The following ABCC4 variants were observed in gnomAD, a reference collection of about 807,000 sequenced individuals.
ABCC4 encodes ATP-binding cassette sub-family C member 4.
In ABCC4, 102 loss-of-function variants were observed where a neutral mutation model predicts 168.5. The observed-to-expected ratio is 0.61, with a 90% confidence interval of 0.52 to 0.71. The LOEUF (loss-of-function observed/expected upper bound fraction) is 0.71, where lower values mean the gene tolerates loss of function less well. Ranked by LOEUF, ABCC4 falls within the 30% of genes least tolerant of loss-of-function variation. ABCC4 has a pLI of 0.00. For synonymous variants in ABCC4, 617 were observed against 590.7 expected, an observed-to-expected ratio of 1.04 and a Z score of -0.65; for missense variants, 1,402 against 1,605.8, an observed-to-expected ratio of 0.87 and a Z score of 2.17.
At chr13:95,248,551 AAAT>A (rs533991223) in intron 1 of ABCC4, among the ~76,000 whole-genome samples, 2 of 152,004 alleles carry the variant, frequency 1.3e-5, no homozygotes, top group South Asian at 4.1e-4. Flanking sequence ...GGAATCACTT[AAAT>A]GATATTAACA....
chr13:95,135,667 G>A (rs1265374210), intron 19 of ABCC4, among the ~76,000 whole-genome samples: 2 of 152,110 alleles, frequency 1.3e-5, no homozygotes, highest in Non-Finnish European at 2.9e-5. Flanking sequence ...ACCTGTCTCT[G>A]CCTCCAGAAG....
At chr13:95,170,972 A>C (rs879241703) in intron 13 of ABCC4, among the ~76,000 whole-genome samples, 1 of 151,954 alleles carries the variant, frequency 6.6e-6, no homozygotes, top group Non-Finnish European at 1.5e-5. Flanking sequence ...GGGAGAAAGA[A>C]AGATCGAGGT....
chr13:95,211,350 A>G (rs536987464), intron 4 of ABCC4, among the ~76,000 whole-genome samples: 1 of 152,308 alleles, frequency 6.6e-6, no homozygotes, highest in South Asian at 2.1e-4. Context: ...AGGGCTAGGT[A>G]TGTCCAGACA....
intron 16 of ABCC4, 65 bp downstream of exon 16, chr13:95,164,313 T>C: frequency 6.3e-7 from 1 of 1,584,468 alleles, no homozygotes; most frequent in Non-Finnish European, 8.6e-7. Context: ...GATGCAGTCA[T>C]AATAGCATAA....
intron 29 of ABCC4, among the ~76,000 whole-genome samples, chr13:95,036,770 T>C (rs892702079): frequency 1.3e-5 from 2 of 152,104 alleles, no homozygotes; most frequent in African/African-American, 4.8e-5. Flanking sequence ...ACCTCTTTAA[T>C]ATTTTTTTGA....
intron 10 of ABCC4, among the ~76,000 whole-genome samples, 182 bp from the exon 11 acceptor site, chr13:95,187,074 T>C (rs2038089092): frequency 1.3e-5 from 2 of 152,200 alleles, no homozygotes; most frequent in African/African-American, 4.8e-5. Flanking sequence ...TAGTAGTTTA[T>C]AAGGAATATT....
At chr13:95,106,750 G>A (rs112674458) in intron 20 of ABCC4, among the ~76,000 whole-genome samples, 7,423 of 126,470 alleles carry the variant, frequency 0.059, 220 homozygotes, top group Middle Eastern at 0.1. Flanking sequence ...AGTGACACAG[G>A]ATAGTAGGGT....
chr13:95,114,491 G>C lies in ABCC4; in HGVS notation c.2535+1431C>G, dbSNP rs79616253. Among the ~76,000 whole-genome samples the C allele has an allele frequency of 4.0e-4, 61 of 152,182 alleles. No homozygotes were observed. In the East Asian group the frequency reaches 0.011, roughly 27 times the overall value. On this transcript the variant is annotated intron_variant, in intron 20 of 30. Coordinates refer to ENST00000645237, the MANE Select transcript of ABCC4 (RefSeq NM_005845.5). ...CAATAATCTGCATTCTATGTAAACGGGGCAACTGTTTTAGTGATGGCTTCT... is the reference window on the plus strand; with the variant it reads ...CAATAATCTGCATTCTATGTAAACGCGGCAACTGTTTTAGTGATGGCTTCT...
intron 16 of ABCC4, among the ~76,000 whole-genome samples, chr13:95,163,869 A>C (rs980921907): frequency 2.0e-5 from 3 of 151,976 alleles, no homozygotes; most frequent in Non-Finnish European, 4.4e-5. Context: ...CCCTATCTCT[A>C]CTAAAAATAC....
At chr13:95,236,261 C>T (rs1046442347) in intron 3 of ABCC4, among the ~76,000 whole-genome samples, 4 of 152,136 alleles carry the variant, frequency 2.6e-5, no homozygotes, top group Non-Finnish European at 5.9e-5. Flanking sequence ...TGTAGGCCCT[C>T]GACATCATTT....
At chr13:95,034,176 C>T (rs1168764970) in intron 30 of ABCC4, among the ~76,000 whole-genome samples, 1 of 152,230 alleles carries the variant, frequency 6.6e-6, no homozygotes, top group East Asian at 1.9e-4. Context: ...CAATATCCCA[C>T]ACTTTTTGCC....
intron 30 of ABCC4, among the ~76,000 whole-genome samples, chr13:95,033,172 G>A (rs192266072): frequency 2.6e-4 from 40 of 152,086 alleles, no homozygotes; most frequent in Admixed American, 2.2e-3. Context: ...GTTTCACCAT[G>A]TTGGCCCCTA....
chr13:95,114,325 G>A (rs1044673353), intron 20 of ABCC4, among the ~76,000 whole-genome samples: 3 of 152,060 alleles, frequency 2.0e-5, no homozygotes, highest in African/African-American at 4.8e-5. Flanking sequence ...TACTAATTAC[G>A]ACCGCTCACT....
At chr13:95,138,291 A>C (rs564097353) in intron 19 of ABCC4, among the ~76,000 whole-genome samples, 1 of 152,360 alleles carries the variant, frequency 6.6e-6, no homozygotes, top group Admixed American at 6.5e-5. Context: ...AAATGTGTAC[A>C]TGTCCTTATG....
rs1050141753 is a variant in ABCC4 at position 95,106,838 on chromosome 13, C to A, written c.2535+9084G>T. 3.3e-5 allele frequency among the ~76,000 whole-genome samples: 5 copies of A among 152,144 alleles called. No individual in the cohort carries two copies. In the East Asian group the frequency reaches 7.7e-4, roughly 23 times the overall value. ...TTCCCAAGCTTAACTTTCCCTTTGG[C>A]ATAGGGAGTCTGGGACCTGAGATTC... On this transcript the variant is annotated intron_variant, in intron 20 of 30. Transcript: ENST00000645237.
At chr13:95,136,763 G>T (rs1204222033) in intron 19 of ABCC4, among the ~76,000 whole-genome samples, 1 of 152,242 alleles carries the variant, frequency 6.6e-6, no homozygotes, top group Non-Finnish European at 1.5e-5. Context: ...GAAGGACGGG[G>T]TGGAGAATCA....
chr13:95,264,970 G>T (rs2040630925), intron 1 of ABCC4, among the ~76,000 whole-genome samples: 1 of 150,652 alleles, frequency 6.6e-6, no homozygotes, highest in African/African-American at 2.4e-5. Context: ...CTGGGTTCAA[G>T]CGATTCTCCT....
At chr13:95,156,219 AC>A (rs2036848477) in intron 19 of ABCC4, among the ~76,000 whole-genome samples, 1 of 152,234 alleles carries the variant, frequency 6.6e-6, no homozygotes, top group African/African-American at 2.4e-5. Flanking sequence ...TTCCACAAAG[AC>A]TTTCATGTTT....
intron 20 of ABCC4, among the ~76,000 whole-genome samples, chr13:95,109,360 G>T (rs1348377411): frequency 6.7e-6 from 1 of 149,804 alleles, no homozygotes; most frequent in Non-Finnish European, 1.5e-5. Context: ...GAATTAGAAG[G>T]GTACATTTGA....
Sources: allele counts gnomAD v4.1 joint callset (sites outside exome capture counted in the v4.1 genomes callset), GRCh38; gene constraint gnomAD v4.1.1; transcripts MANE v1.5; gene names NCBI Gene and HGNC (gene_info 2026-07-23, HGNC 2026-07-21).